TTC23L: variants seen among roughly 807,000 people sequenced by gnomAD.
The protein encoded by TTC23L is tetratricopeptide repeat domain 23 like.
A neutral mutation model predicts 48.1 loss-of-function variants in TTC23L; 42 were observed. The observed-to-expected ratio is 0.87, with a 90% confidence interval of 0.68 to 1.13. The LOEUF is 1.13. TTC23L is among the 50% of genes most tolerant of loss of function. The probability of loss-of-function intolerance (pLI) is 0.00; values close to 1 mark genes in which losing one functional copy is unlikely to be tolerated. For missense variants in TTC23L, 391 were observed against 421.0 expected (o/e 0.93, Z 0.62); for synonymous variants, 159 against 157.2 (o/e 1.01, Z -0.09).
the TTC23L span, chr5:34,909,170 A>T: frequency 9.2e-7 from 1 of 1,081,940 alleles, no homozygotes; most frequent in Non-Finnish European, 1.4e-6. Context: ...CATTTTAATT[A>T]ACAGATTGAA....
chr5:34,868,999 A>G (rs770438945), exon 8 of TTC23L: 2 of 1,607,358 alleles, frequency 1.2e-6, no homozygotes, highest in South Asian at 2.2e-5. Flanking sequence ...ATGTCTGGAG[A>G]GGCCCAGCAC....
intron 4 of TTC23L, among the ~76,000 whole-genome samples, chr5:34,853,818 G>A (rs1371078376): frequency 1.3e-5 from 2 of 152,166 alleles, no homozygotes; most frequent in African/African-American, 4.8e-5. Context: ...TACACTCCTT[G>A]GGCCCTGGGA....
intron 4 of TTC23L, among the ~76,000 whole-genome samples, chr5:34,859,968 A>G (rs1330060434): frequency 6.7e-6 from 1 of 149,032 alleles, no homozygotes; most frequent in Non-Finnish European, 1.5e-5. Context: ...CTCAACCTCC[A>G]GAGTAGCTGG....
chr5:34,914,017 T>C, the TTC23L span: 6 of 456,510 alleles, frequency 1.3e-5, no homozygotes, highest in Middle Eastern at 3.2e-4. Flanking sequence ...TGAGCCACCA[T>C]ACCATGCCCC....
At chr5:34,908,756 T>C in the TTC23L span, 12 of 1,583,886 alleles carry the variant, frequency 7.6e-6, no homozygotes, top group Non-Finnish European at 1.0e-5. Context: ...TATCAGTGAA[T>C]TGTCATACTC....
intron 4 of TTC23L, among the ~76,000 whole-genome samples, chr5:34,856,226 C>A (rs1760122695): frequency 6.6e-6 from 1 of 152,182 alleles, no homozygotes; most frequent in African/African-American, 2.4e-5. Flanking sequence ...AATCGCTAAT[C>A]TGAAAATCTG....
At chr5:34,848,919 A>C (rs909759173) in intron 3 of TTC23L, among the ~76,000 whole-genome samples, 2 of 152,258 alleles carry the variant, frequency 1.3e-5, no homozygotes, top group Non-Finnish European at 2.9e-5. Flanking sequence ...GAAAGTCATG[A>C]TCTAATTTAT....
intron 8 of TTC23L, 130 bp downstream of exon 8, chr5:34,869,143 A>C: frequency 2.9e-6 from 2 of 682,124 alleles, no homozygotes; most frequent in South Asian, 1.8e-5. Context: ...TCACAGTCTC[A>C]TACAAAATCA....
intron 9 of TTC23L, among the ~76,000 whole-genome samples, chr5:34,880,821 T>C (rs776158223): frequency 2.0e-5 from 3 of 152,252 alleles, no homozygotes; most frequent in African/African-American, 7.2e-5. Flanking sequence ...GTATTTTTAG[T>C]AGAGATGGGG....
At chr5:34,850,235 T>G in exon 4 of TTC23L, 1 of 1,613,948 alleles carries the variant, frequency 6.2e-7, no homozygotes, top group Non-Finnish European at 8.5e-7. Context: ...TTTCTCGGAT[T>G]ATTTTTGGGG....
chr5:34,923,738 A>C, the TTC23L span, among the ~76,000 whole-genome samples: 1 of 152,220 alleles, frequency 6.6e-6, no homozygotes, highest in African/African-American at 2.4e-5. Flanking sequence ...ATAAGGATAT[A>C]CAGGGTTTGC....
the TTC23L span, chr5:34,905,775 T>G: frequency 1.2e-4 from 18 of 152,062 alleles, no homozygotes; most frequent in African/African-American, 4.3e-4. Flanking sequence ...CTAGTGATTT[T>G]CCATAGGAAA....
the TTC23L span, chr5:34,918,395 T>G: frequency 6.3e-7 from 1 of 1,587,618 alleles, no homozygotes; most frequent in South Asian, 1.1e-5. Flanking sequence ...CGGATTCTCA[T>G]CTTTTCTTCC....
chr5:34,840,677 A>G lies in TTC23L; in HGVS notation c.6A>G (p.Gln2=), dbSNP rs189127351. The G allele has an allele frequency of 1.4e-5, 22 of 1,613,958 alleles. No individual in the cohort carries two copies. The East Asian group carries it at 4.5e-4, about 33-fold the overall frequency. ...TGATTCTTGGTAGGAAGAAGATGCAAGCCAGCCCCATCCGTATCCCAACTG... is the reference window on the plus strand; with the variant it reads ...TGATTCTTGGTAGGAAGAAGATGCAGGCCAGCCCCATCCGTATCCCAACTG... Residue 2 remains glutamine (Q), a synonymous_variant, in exon 2 of 11, where the codon CAA becomes CAG. Transcript: ENST00000505624.
the TTC23L span, chr5:34,925,443 A>G: frequency 1.2e-6 from 2 of 1,613,946 alleles, no homozygotes; most frequent in Non-Finnish European, 1.7e-6. Flanking sequence ...AAACGGATTT[A>G]CAAAAGGCAA....
chr5:34,908,911 A>G, the TTC23L span: 2 of 1,610,548 alleles, frequency 1.2e-6, no homozygotes, highest in South Asian at 2.2e-5. Context: ...GATAGGACTA[A>G]TGCCTTTGTA....
chr5:34,923,991 A>G, the TTC23L span, among the ~76,000 whole-genome samples: 1 of 152,202 alleles, frequency 6.6e-6, no homozygotes, highest in Non-Finnish European at 1.5e-5. Flanking sequence ...AAGTGCTGTA[A>G]AGGATACAGT....
chr5:34,859,712 T>G (rs1008750784), intron 4 of TTC23L, among the ~76,000 whole-genome samples: 4 of 152,154 alleles, frequency 2.6e-5, no homozygotes, highest in African/African-American at 9.7e-5. Context: ...TTTCTGTTCT[T>G]TATAAATTAC....
intron 4 of TTC23L, among the ~76,000 whole-genome samples, chr5:34,858,802 T>A (rs1481718748): frequency 6.6e-6 from 1 of 152,126 alleles, no homozygotes; most frequent in African/African-American, 2.4e-5. Flanking sequence ...GTGAAAGAAG[T>A]TTTTTCCCTT....
Sources: allele counts gnomAD v4.1 joint callset (sites outside exome capture counted in the v4.1 genomes callset), GRCh38; gene constraint gnomAD v4.1.1; transcripts MANE v1.5; gene names NCBI Gene and HGNC (gene_info 2026-07-23, HGNC 2026-07-21).